The following LINGO2 variants were observed in gnomAD, a reference collection of about 807,000 sequenced individuals.
The protein encoded by LINGO2 is leucine-rich repeat and immunoglobulin-like domain-containing nogo receptor-interacting protein 2.
Under a neutral mutation model 30.6 loss-of-function variants are expected in LINGO2, and 14 were observed. The observed-to-expected ratio is 0.46, with a 90% CI of 0.30 to 0.72. The LOEUF (loss-of-function observed/expected upper bound fraction) is 0.72. LINGO2 is among the 30% of genes least tolerant of loss of function. LINGO2 has a pLI of 0.07. For synonymous variants in LINGO2, 317 were observed against 288.5 expected (o/e 1.10, Z -1.00); for missense variants, 729 against 751.7 (o/e 0.97, Z 0.35).
At chr9:28,979,734 A>C in the LINGO2 span, among the ~76,000 whole-genome samples, 1 of 152,180 alleles carries the variant, frequency 6.6e-6, no homozygotes, top group Non-Finnish European at 1.5e-5. Context: ...TCCACTAATT[A>C]TAACAGTTTT....
intron 4 of LINGO2, among the ~76,000 whole-genome samples, chr9:28,162,169 T>C (rs1828305741): frequency 2.0e-5 from 3 of 152,110 alleles, no homozygotes; most frequent in African/African-American, 4.8e-5. Context: ...AAGAAACTTA[T>C]GAGAAAATGC....
chr9:28,054,337 G>A (rs1824817295), intron 4 of LINGO2, among the ~76,000 whole-genome samples: 1 of 152,158 alleles, frequency 6.6e-6, no homozygotes, highest in South Asian at 2.1e-4. Flanking sequence ...GGATGGTTTG[G>A]CTATTTTTAA....
chr9:28,607,639 G>T (rs1825746732), intron 1 of LINGO2, among the ~76,000 whole-genome samples: 1 of 151,898 alleles, frequency 6.6e-6, no homozygotes, highest in South Asian at 2.1e-4. Context: ...TCAGAAAGAT[G>T]ACCACCAGCC....
intron 1 of LINGO2, among the ~76,000 whole-genome samples, chr9:28,558,834 A>T (rs1822889425): frequency 1.3e-5 from 2 of 151,956 alleles, no homozygotes; most frequent in Admixed American, 1.3e-4. Context: ...GTGTGTGTTT[A>T]ATTACTCTTA....
At chr9:28,537,733 AC>A (rs1821498058) in intron 1 of LINGO2, among the ~76,000 whole-genome samples, 1 of 152,050 alleles carries the variant, frequency 6.6e-6, no homozygotes, top group African/African-American at 2.4e-5. Flanking sequence ...TAATGTGTGT[AC>A]CATAGCAATT....
At chr9:29,138,954 G>C in the LINGO2 span, among the ~76,000 whole-genome samples, 142 of 152,258 alleles carry the variant, frequency 9.3e-4, no homozygotes, top group African/African-American at 3.2e-3. Context: ...ATAACAAATA[G>C]AGTATGGCAA....
the LINGO2 span, among the ~76,000 whole-genome samples, chr9:28,749,983 T>C: frequency 6.6e-6 from 1 of 152,040 alleles, no homozygotes. Flanking sequence ...TAGCTAGAGA[T>C]AAAGAAAAGG....
chr9:28,383,916 T>C (rs1372827654), intron 2 of LINGO2, among the ~76,000 whole-genome samples: 1 of 152,028 alleles, frequency 6.6e-6, no homozygotes, highest in Non-Finnish European at 1.5e-5. Context: ...GTTAAAAGAA[T>C]CTGGGGTAGA....
intron 4 of LINGO2, among the ~76,000 whole-genome samples, chr9:28,174,921 T>TGTGTGTGTGAGAGA (rs962695032): frequency 9.8e-5 from 13 of 133,308 alleles, no homozygotes; most frequent in African/African-American, 2.5e-4. Context: ...TGTGTGTGTG[T>TGTGTGTGTGAGAGA]GAGAGAGAGA....
At chr9:28,728,241 C>T in the LINGO2 span, among the ~76,000 whole-genome samples, 3 of 151,842 alleles carry the variant, frequency 2.0e-5, no homozygotes, top group African/African-American at 7.3e-5. Context: ...AAACCACAAC[C>T]CCCTCCCCTT....
intron 4 of LINGO2, among the ~76,000 whole-genome samples, chr9:28,293,848 G>C (rs1292353680): frequency 1.3e-5 from 2 of 152,174 alleles, no homozygotes; most frequent in Admixed American, 6.5e-5. Context: ...CTACAGTTAT[G>C]TGTTAGATGC....
chr9:28,046,281 A>T (rs1335351854), intron 4 of LINGO2, among the ~76,000 whole-genome samples: 2 of 152,160 alleles, frequency 1.3e-5, no homozygotes, highest in Admixed American at 6.5e-5. Context: ...TCTGTACAGG[A>T]CCATTAAGAA....
At chr9:28,104,888 T>C (rs1209534605) in intron 4 of LINGO2, among the ~76,000 whole-genome samples, 1 of 151,732 alleles carries the variant, frequency 6.6e-6, no homozygotes, top group East Asian at 2.0e-4. Context: ...TAAGGTAGAA[T>C]CCGGCCCCCA....
the LINGO2 span, among the ~76,000 whole-genome samples, chr9:28,895,399 A>G: frequency 6.6e-6 from 1 of 152,120 alleles, no homozygotes; most frequent in Admixed American, 6.6e-5. Flanking sequence ...GCAACCTTGC[A>G]AAGAGACCGT....
chr9:28,993,622 A>C, the LINGO2 span, among the ~76,000 whole-genome samples: 1 of 150,612 alleles, frequency 6.6e-6, no homozygotes, highest in Non-Finnish European at 1.5e-5. Context: ...CCTCAATAAA[A>C]TACTAGCAAA....
At chr9:28,611,438 A>G (rs192518432) in intron 1 of LINGO2, among the ~76,000 whole-genome samples, 3 of 152,160 alleles carry the variant, frequency 2.0e-5, no homozygotes, top group Admixed American at 1.3e-4. Flanking sequence ...CATACAATAT[A>G]GTATTAGTAA....
the LINGO2 span, among the ~76,000 whole-genome samples, chr9:28,686,126 C>T: frequency 3.3e-5 from 5 of 151,850 alleles, no homozygotes; most frequent in Non-Finnish European, 7.4e-5. Context: ...GGGAAATTAA[C>T]CTGGCCATAA....
chr9:28,038,426 G>A (rs1195878185), intron 4 of LINGO2, among the ~76,000 whole-genome samples: 2 of 152,082 alleles, frequency 1.3e-5, no homozygotes, highest in African/African-American at 4.8e-5. Flanking sequence ...GGGCGCGGTG[G>A]CTCACGCCTG....
chr9:28,900,174 G>T, the LINGO2 span, among the ~76,000 whole-genome samples: 1 of 151,966 alleles, frequency 6.6e-6, no homozygotes, highest in South Asian at 2.1e-4. Context: ...ATGGACCCAG[G>T]TTCCATGCCA....
Sources: allele counts gnomAD v4.1 joint callset (sites outside exome capture counted in the v4.1 genomes callset), GRCh38; gene constraint gnomAD v4.1.1; transcripts MANE v1.5; gene names NCBI Gene and HGNC (gene_info 2026-07-23, HGNC 2026-07-21).